LEMD3: variants seen among roughly 807,000 people sequenced by gnomAD.
LEMD3 encodes the protein LEM domain containing 3, also known as inner nuclear membrane protein Man1.
In LEMD3, 33 loss-of-function variants were observed where a neutral mutation model predicts 95.2. That is an observed-to-expected ratio of 0.35 (90% CI 0.26 to 0.46). LEMD3 has a LOEUF of 0.46. Ranked by LOEUF, LEMD3 falls within the 20% of genes least tolerant of loss-of-function variation. The pLI is 1.00. For missense variants in LEMD3, 1,210 were observed against 1,192.8 expected (o/e 1.01, Z -0.21); for synonymous variants, 525 against 474.6 (o/e 1.11, Z -1.38).
At chr12:65,217,794 C>T (rs1870154222) in intron 3 of LEMD3, among the ~76,000 whole-genome samples, 1 of 152,138 alleles carries the variant, frequency 6.6e-6, no homozygotes, top group Admixed American at 6.5e-5. Flanking sequence ...CCTGATTTCC[C>T]TGTTGGTCTG....
chr12:65,239,633 G>A (rs997173573), intron 6 of LEMD3, among the ~76,000 whole-genome samples: 3 of 151,934 alleles, frequency 2.0e-5, no homozygotes, highest in Non-Finnish European at 4.4e-5. Flanking sequence ...TTTTCTAGTC[G>A]TTTTATGCTT....
chr12:65,182,410 G>T (rs886162453), intron 1 of LEMD3, among the ~76,000 whole-genome samples: 1 of 152,052 alleles, frequency 6.6e-6, no homozygotes, highest in Non-Finnish European at 1.5e-5. Flanking sequence ...TATAAGATAG[G>T]ACTTAACAGC....
chr12:65,169,658 T>C lies in LEMD3; in HGVS notation c.62T>C (p.Leu21Pro). ...TCGGATGAGGAGCTTTTCTCTCAGC[T>C]CCGCCGTTACGGCCTGTCTCCCGGA... The part of the protein sequence containing the change: ...QLSDEELFSQ[L>P]RRYGLSPGPV... The change falls in exon 1 of 13, where the codon CTC becomes CCC. Residue 21 changes from leucine to proline, a missense_variant. By Grantham distance (98) the Leu-to-Pro change is moderately conservative. Coordinates refer to ENST00000308330, the MANE Select transcript of LEMD3 (RefSeq NM_014319.5). 5.0e-6 allele frequency: 8 copies of C among 1,584,882 alleles called. No individual in the cohort carries two copies. The highest frequency in any genetic ancestry group is 6.9e-6 in the Non-Finnish European group (8 of 1,166,948).
intron 4 of LEMD3, among the ~76,000 whole-genome samples, chr12:65,221,449 C>T (rs1870285123): frequency 6.6e-6 from 1 of 151,536 alleles, no homozygotes; most frequent in East Asian, 1.9e-4. Context: ...TCTCAAACTC[C>T]TGGGCTCAAG....
At chr12:65,194,889 A>ATTATACTTTAGATTATAATTTATAAATT (rs1471553920) in intron 1 of LEMD3, among the ~76,000 whole-genome samples, 4 of 71,030 alleles carry the variant, frequency 5.6e-5, no homozygotes, top group African/African-American at 9.2e-5. Flanking sequence ...TAATTTATAA[A>ATTATACTTTAGATTATAATTTATAAATT]ATTAAAATAA....
intron 1 of LEMD3, among the ~76,000 whole-genome samples, chr12:65,189,245 C>T (rs1179518922): frequency 6.6e-6 from 1 of 152,092 alleles, no homozygotes; most frequent in African/African-American, 2.4e-5. Context: ...AGTGAAACTG[C>T]CATAAGGAGG....
In LEMD3 at chr12:65,246,210, G is replaced by T; in HGVS notation, c.2621G>T (p.Arg874Leu). The T allele has an allele frequency of 6.2e-7, 1 of 1,612,404 alleles. No individual in the cohort carries two copies. Among genetic ancestry groups the T allele is most frequent in the Non-Finnish European group, 8.5e-7 (1 of 1,178,774 alleles). The change falls in exon 13 of 13, where the codon CGC becomes CTC. Residue 874 changes from arginine (R) to leucine (L), a missense_variant. By Grantham distance (102) the Arg-to-Leu change is moderately radical. This residue lies in a region of LEMD3 where 461 missense variants were observed against 569.8 expected (regional missense o/e 0.81). Coordinates refer to ENST00000308330, the MANE Select transcript of LEMD3 (RefSeq NM_014319.5). The stretch of plus-strand genomic sequence containing the variant: ...TTACGACTAGATAGATACCACCATC[G>T]CTTTCCCCAGGCTCTCACTTCCAAC... ...KYLRLDRYHH[R>L]FPQALTSNTP... is the part of the protein sequence containing the mutation.
intron 4 of LEMD3, 73 bp downstream of exon 4, chr12:65,218,692 C>T: frequency 2.4e-6 from 2 of 835,202 alleles, no homozygotes; most frequent in South Asian, 3.0e-5. Context: ...TTGTAAGAAT[C>T]ATATGTTTGA....
chr12:65,185,945 A>G (rs1209724677), intron 1 of LEMD3, among the ~76,000 whole-genome samples: 1 of 152,034 alleles, frequency 6.6e-6, no homozygotes, highest in African/African-American at 2.4e-5. Context: ...CTGTCATTTT[A>G]TCCCAGTAGC....
At chr12:65,171,244 CAG>C in intron 1 of LEMD3, 126 bp downstream of exon 1, 1 of 1,499,144 alleles carries the variant, frequency 6.7e-7, no homozygotes, top group East Asian at 2.4e-5. Context: ...AAAAACGCAA[CAG>C]TGCGTGCATG....
rs549675449 is a variant in LEMD3, at chr12:65,199,632, A to C, written c.1523-11294A>C. ...AAAAAAAAATTGTTACATTACAATG[A>C]ATCTTCTAGGTCTTTGCAAAAGAGA... On this transcript the variant is annotated intron_variant, in intron 1 of 12. Coordinates refer to ENST00000308330, the MANE Select transcript of LEMD3 (RefSeq NM_014319.5). Among the ~76,000 whole-genome samples the C allele has an allele frequency of 2.6e-5, 4 of 152,292 alleles. No individual in the cohort carries two copies. In the East Asian group the frequency reaches 7.7e-4, roughly 29 times the overall value.
At chr12:65,200,319 C>G (rs1869560187) in intron 1 of LEMD3, among the ~76,000 whole-genome samples, 1 of 152,100 alleles carries the variant, frequency 6.6e-6, no homozygotes, top group Non-Finnish European at 1.5e-5. Flanking sequence ...AACCAGTGCT[C>G]TTGAGCCACT....
At chr12:65,245,975 A>G (rs1170706668) in intron 12 of LEMD3, 36 bp downstream of exon 12, 7 of 1,483,058 alleles carry the variant, frequency 4.7e-6, no homozygotes, top group Non-Finnish European at 6.6e-6. Context: ...TTTTGAAAAG[A>G]TAGTTATAGT....
chr12:65,199,763 T>C (rs1869537624), intron 1 of LEMD3, among the ~76,000 whole-genome samples: 1 of 152,084 alleles, frequency 6.6e-6, no homozygotes, highest in Non-Finnish European at 1.5e-5. Context: ...GACATAAAGT[T>C]GTCACCTCCT....
chr12:65,212,245 C>T (rs1869961735), intron 2 of LEMD3, among the ~76,000 whole-genome samples: 1 of 152,112 alleles, frequency 6.6e-6, no homozygotes, highest in African/African-American at 2.4e-5. Context: ...TACCTCCCAC[C>T]ACTGCCTCCC....
intron 1 of LEMD3, among the ~76,000 whole-genome samples, chr12:65,184,795 G>T (rs1869008433): frequency 6.6e-6 from 1 of 152,090 alleles, no homozygotes; most frequent in Non-Finnish European, 1.5e-5. Flanking sequence ...TAATCACTTT[G>T]TCCAAGTTTA....
At position 65,241,209 on chromosome 12, in the gene LEMD3, G is replaced by A. The variant is rs1373503034; in HGVS notation, c.2305+122G>A. On this transcript the variant is annotated intron_variant, in intron 9 of 12. Coordinates refer to ENST00000308330, the MANE Select transcript of LEMD3 (RefSeq NM_014319.5). ...AGGCAAAACTCTCTCGTTCTGTTTC[G>A]TAGAAGGAATCAGTGTTAGCTTCTT... 2.2e-5 allele frequency: 18 copies of A among 814,752 alleles called. 1 individual carries two copies. Among genetic ancestry groups the A allele is most frequent in the South Asian group, 6.0e-5 (4 of 66,314 alleles). The allele number at this position is 814,752 out of a possible 1,614,324, so 50.5% of individuals were successfully genotyped here. A position where few individuals can be genotyped will look rare whatever the true frequency, so the allele number is the denominator to read the frequency against.
At chr12:65,227,561 C>G (rs1294290028) in intron 4 of LEMD3, among the ~76,000 whole-genome samples, 2 of 152,114 alleles carry the variant, frequency 1.3e-5, no homozygotes, top group East Asian at 3.8e-4. Context: ...GCATATCCTG[C>G]TATATACCTT....
At chr12:65,243,890 A>G (rs980525768) in intron 10 of LEMD3, among the ~76,000 whole-genome samples, 1 of 152,234 alleles carries the variant, frequency 6.6e-6, no homozygotes, top group Non-Finnish European at 1.5e-5. Flanking sequence ...ACAAAGATGT[A>G]TATACCTGCT....
Sources: gnomAD v4.1 joint callset for allele counts (sites outside exome capture counted in the v4.1 genomes callset) on GRCh38, gnomAD v4.1.1 for gene constraint, gnomAD v4.1.1 regional missense constraint, MANE v1.5 for transcripts, NCBI Gene and HGNC (gene_info 2026-07-23, HGNC 2026-07-21) for gene names.